CCDC18: variants seen among roughly 807,000 people sequenced by gnomAD.
CCDC18 encodes coiled-coil domain-containing protein 18.
CCDC18 carries 157 observed loss-of-function variants against 196.0 expected under a neutral mutation model. That is an observed-to-expected ratio of 0.80 (90% CI 0.70 to 0.91). The LOEUF (loss-of-function observed/expected upper bound fraction) is 0.91, where lower values mean the gene tolerates loss of function less well. Among genes scored for constraint, CCDC18 ranks in the 40% least tolerant of loss-of-function variants. The probability of loss-of-function intolerance (pLI) is 0.00; values close to 1 mark genes in which losing one functional copy is unlikely to be tolerated. For missense variants in CCDC18, 1,465 were observed against 1,611.6 expected, an observed-to-expected ratio of 0.91 and a Z score of 1.56; for synonymous variants, 482 against 529.2, an observed-to-expected ratio of 0.91 and a Z score of 1.22.
At chr1:93,272,480 A>C (rs940063306) in intron 28 of CCDC18, among the ~76,000 whole-genome samples, 1 of 152,316 alleles carries the variant, frequency 6.6e-6, no homozygotes, top group African/African-American at 2.4e-5. Flanking sequence ...CTGAGAAGTA[A>C]TCAGTGAAAT....
chr1:93,202,642 G>A (rs900740273), intron 7 of CCDC18, among the ~76,000 whole-genome samples: 1 of 152,116 alleles, frequency 6.6e-6, no homozygotes, highest in Non-Finnish European at 1.5e-5. Flanking sequence ...AGGTAGAAAG[G>A]CAGAGGAAGG....
intron 3 of CCDC18, among the ~76,000 whole-genome samples, chr1:93,185,496 GA>G (rs1650497134): frequency 2.6e-5 from 4 of 151,854 alleles, no homozygotes; most frequent in Non-Finnish European, 5.9e-5. Flanking sequence ...TCATACAATG[GA>G]AACTATGCAG....
intron 25 of CCDC18, among the ~76,000 whole-genome samples, chr1:93,257,271 T>C (rs992406033): frequency 7.3e-6 from 1 of 136,864 alleles, no homozygotes; most frequent in Non-Finnish European, 1.6e-5. Flanking sequence ...ATGAAAACTA[T>C]CCAAATTTGT....
At chr1:93,261,667 G>A (rs529964723) in intron 26 of CCDC18, among the ~76,000 whole-genome samples, 2 of 152,030 alleles carry the variant, frequency 1.3e-5, no homozygotes, top group Admixed American at 1.3e-4. Flanking sequence ...CCACAAAAAT[G>A]TTACCAAACT....
chr1:93,180,656 G>A (rs752938519), upstream of CCDC18: 1 of 1,318,728 alleles, frequency 7.6e-7, no homozygotes, highest in Non-Finnish European at 1.0e-6. Context: ...GCCTTCGGCG[G>A]CGCCTCACGC....
intron 23 of CCDC18, among the ~76,000 whole-genome samples, 179 bp from the exon 24 acceptor site, chr1:93,254,292 T>C (rs913007372): frequency 9.9e-5 from 15 of 152,202 alleles, no homozygotes; most frequent in African/African-American, 3.6e-4. Context: ...CTATTCTGCC[T>C]TTCTGGTAAT....
chr1:93,243,599 A>G (rs1265421596), intron 21 of CCDC18, among the ~76,000 whole-genome samples: 1 of 152,182 alleles, frequency 6.6e-6, no homozygotes, highest in African/African-American at 2.4e-5. Context: ...TCCTCAGAAA[A>G]TGGGATTTTC....
chr1:93,255,588 T>C (rs958161131), intron 24 of CCDC18, among the ~76,000 whole-genome samples: 1 of 152,044 alleles, frequency 6.6e-6, no homozygotes, highest in Admixed American at 6.6e-5. Context: ...ATTAAAAAAC[T>C]AGCTAGGTGT....
chr1:93,207,319 G>A lies in CCDC18; in HGVS notation c.1130G>A (p.Arg377Gln), dbSNP rs1423179797. Residue 377 changes from arginine (R) to glutamine (Q), a missense_variant, in exon 9 of 29, where the codon CGA (arginine) becomes CAA (glutamine). Physicochemically the swap from Arg to Gln is conservative, Grantham distance 43. Coordinates refer to ENST00000690025, the MANE Select transcript of CCDC18 (RefSeq NM_001378204.1). The part of the protein sequence containing the change: ...LKVRVAAQNE[R>Q]LDLCQQEIES... ...GTCCGTGTTGCAGCACAGAATGAGC[G>A]ACTAGATTTATGTCAACAAGAAATT... is the stretch of plus-strand genomic sequence containing the variant. The A allele has an allele frequency of 8.7e-6, 14 of 1,613,102 alleles. No individual in the cohort carries two copies. Among genetic ancestry groups the A allele is most frequent in the African/African-American group, 2.7e-5 (2 of 74,878 alleles).
chr1:93,222,060 C>G, intron 16 of CCDC18, 124 bp downstream of exon 16: 1 of 610,720 alleles, frequency 1.6e-6, no homozygotes, highest in Non-Finnish European at 2.8e-6. Context: ...ACCTTGAACT[C>G]CTGAGCTCAA....
chr1:93,239,792 A>G lies in CCDC18; in HGVS notation c.2877A>G (p.Lys959=). ...TACAAAATGCTCATGGAGAATTAAA[A>G]AGTACTTTAAGACAACTCCAGGAAT... ...TELQNAHGEL[K]STLRQLQELR... The change falls in exon 21 of 29, where the codon AAA becomes AAG. Residue 959 remains lysine, a synonymous_variant. Coordinates refer to ENST00000690025, the MANE Select transcript of CCDC18 (RefSeq NM_001378204.1). 6.2e-7 allele frequency: 1 copy of G among 1,613,652 alleles called. No individual in the cohort carries two copies. Among genetic ancestry groups the G allele is most frequent in the African/African-American group, 1.3e-5 (1 of 75,034 alleles).
chr1:93,193,538 T>G (rs1652193134), intron 5 of CCDC18, 78 bp from the exon 6 acceptor site: 1 of 925,880 alleles, frequency 1.1e-6, no homozygotes. Context: ...ACAAATATAA[T>G]TCCTAATATT....
chr1:93,200,912 T>C (rs1340165617), intron 6 of CCDC18, among the ~76,000 whole-genome samples: 3 of 152,208 alleles, frequency 2.0e-5, no homozygotes, highest in Non-Finnish European at 4.4e-5. Flanking sequence ...AATACAGGTA[T>C]CCTTTGATCT....
chr1:93,214,203 G>A (rs954674964), intron 11 of CCDC18, among the ~76,000 whole-genome samples: 11 of 152,144 alleles, frequency 7.2e-5, no homozygotes, highest in Non-Finnish European at 1.5e-4. Context: ...CAGATAACAG[G>A]TGCCACTGTG....
intron 28 of CCDC18, chr1:93,271,090 A>G (rs944454013): frequency 2.0e-6 from 2 of 983,798 alleles, no homozygotes; most frequent in African/African-American, 3.5e-5. Flanking sequence ...AAATAAAAAA[A>G]TTAAAAAACT....
chr1:93,214,136 C>T (rs1325732089), intron 11 of CCDC18, among the ~76,000 whole-genome samples: 1 of 152,116 alleles, frequency 6.6e-6, no homozygotes, highest in Non-Finnish European at 1.5e-5. Flanking sequence ...CCATGTTGCC[C>T]AGGATGGTCT....
At chr1:93,219,412 G>T (rs1443004614) in intron 14 of CCDC18, among the ~76,000 whole-genome samples, 4 of 151,954 alleles carry the variant, frequency 2.6e-5, no homozygotes, top group African/African-American at 4.8e-5. Context: ...TATCCAAATT[G>T]GATCTGCATC....
intron 25 of CCDC18, 118 bp downstream of exon 25, chr1:93,256,656 T>A (rs1026127498): frequency 2.5e-6 from 2 of 800,658 alleles, no homozygotes; most frequent in African/African-American, 3.5e-5. Context: ...AGTGTGAATG[T>A]ACTTAATCCC....
intron 21 of CCDC18, 123 bp from the exon 22 acceptor site, chr1:93,245,982 C>A: frequency 4.0e-6 from 2 of 498,588 alleles, no homozygotes; most frequent in Non-Finnish European, 7.1e-6. Context: ...CCCTTTCAAT[C>A]TGACTTGATT....
Sources: allele counts gnomAD v4.1 joint callset (sites outside exome capture counted in the v4.1 genomes callset), GRCh38; gene constraint gnomAD v4.1.1; transcripts MANE v1.5; gene names NCBI Gene and HGNC (gene_info 2026-07-23, HGNC 2026-07-21).